Variants in PTPRO observed in about 807,000 individuals in gnomAD.
PTPRO encodes the protein receptor-type tyrosine-protein phosphatase O.
A neutral mutation model predicts 145.2 loss-of-function variants in PTPRO; 62 were observed. That is an observed-to-expected ratio of 0.43 (90% CI 0.35 to 0.53). The LOEUF (loss-of-function observed/expected upper bound fraction) is 0.53, where lower values mean the gene tolerates loss of function less well. Among genes scored for constraint, PTPRO ranks in the 20% least tolerant of loss-of-function variants. The pLI is 0.01. For synonymous variants in PTPRO, 565 were observed against 514.7 expected (o/e 1.10, Z -1.32); for missense variants, 1,345 against 1,482.7 (o/e 0.91, Z 1.53).
chr12:15,572,113 T>A (rs1440785568), intron 19 of PTPRO, among the ~76,000 whole-genome samples: 1 of 152,178 alleles, frequency 6.6e-6, no homozygotes, highest in Non-Finnish European at 1.5e-5. Context: ...AAATATGTTT[T>A]TTTCTTAACC....
At chr12:15,483,158 A>G (rs1476129621) in intron 1 of PTPRO, among the ~76,000 whole-genome samples, 1 of 152,126 alleles carries the variant, frequency 6.6e-6, no homozygotes, top group Non-Finnish European at 1.5e-5. Flanking sequence ...AAGATAAATT[A>G]AACCCAAGCA....
At chr12:15,565,700 C>T (rs2135595766) in intron 18 of PTPRO, 72 bp downstream of exon 18, 1 of 1,122,866 alleles carries the variant, frequency 8.9e-7, no homozygotes, top group Non-Finnish European at 1.3e-6. Context: ...TTAAAGATTG[C>T]TTGTCTTCAA....
intron 12 of PTPRO, 131 bp downstream of exon 12, chr12:15,526,393 A>G: frequency 1.6e-6 from 2 of 1,224,176 alleles, no homozygotes; most frequent in Non-Finnish European, 2.4e-6. Context: ...GAAAATAGAC[A>G]TTTGTACTAG....
intron 1 of PTPRO, among the ~76,000 whole-genome samples, chr12:15,394,383 A>G (rs190485363): frequency 3.3e-5 from 5 of 152,230 alleles, no homozygotes; most frequent in Admixed American, 3.3e-4. Flanking sequence ...GAGGGATCAC[A>G]TCCACCAAAC....
intron 1 of PTPRO, among the ~76,000 whole-genome samples, chr12:15,471,257 G>T (rs959082496): frequency 2.0e-5 from 3 of 152,074 alleles, no homozygotes; most frequent in African/African-American, 7.2e-5. Context: ...TCGCATGCCT[G>T]TGGTCCCAGA....
At position 15,516,991 on chromosome 12, in the gene PTPRO, A is replaced by G. The variant is rs368703313; in HGVS notation, c.1779+35A>G. The G allele has an allele frequency of 9.5e-5, 149 of 1,565,924 alleles. No individual in the cohort carries two copies. The African/African-American group carries it at 1.9e-3, about 20-fold the overall frequency. On this transcript the variant is annotated intron_variant, in intron 9 of 26. Transcript: ENST00000281171. The stretch of plus-strand genomic sequence containing the variant: ...CCTTAACCAACTGTCAGTCTTTCCT[A>G]TGGGAACAGGCAAACCTTTATGTAC...
intron 1 of PTPRO, among the ~76,000 whole-genome samples, chr12:15,345,003 CCTAT>C (rs537645929): frequency 1.6e-4 from 25 of 152,300 alleles, no homozygotes; most frequent in Admixed American, 4.6e-4. Flanking sequence ...CTCCTATCAT[CCTAT>C]CTTTCTACAA....
rs116256418 is a variant in PTPRO, at chr12:15,580,964, G to A, written c.3132+133G>A. The A allele has an allele frequency of 1.2e-3, 1,543 of 1,269,716 alleles. 16 individuals are homozygous for A. In the African/African-American group the frequency reaches 0.019, roughly 16 times the overall value. The allele number at this position is 1,269,716 out of a possible 1,614,324, so 78.7% of individuals were successfully genotyped here. ...TCGCTAAATTTAAAACATTGTATTC[G>A]GGAAGCAAGAATTAGAATTTGGGGG... On this transcript the variant is annotated intron_variant, in intron 22 of 26. Transcript: ENST00000281171.
intron 18 of PTPRO, among the ~76,000 whole-genome samples, chr12:15,566,541 G>C (rs1283869254): frequency 2.0e-5 from 3 of 151,696 alleles, no homozygotes; most frequent in East Asian, 1.9e-4. Flanking sequence ...ATTTTTTGGA[G>C]ATGAAGTCTC....
chr12:15,575,283 G>C, intron 19 of PTPRO, among the ~76,000 whole-genome samples: 1 of 152,118 alleles, frequency 6.6e-6, no homozygotes, highest in Non-Finnish European at 1.5e-5. Flanking sequence ...TGAATCTCAG[G>C]TTCCACACAG....
At chr12:15,494,443 C>G (rs1389839446) in intron 2 of PTPRO, among the ~76,000 whole-genome samples, 1 of 152,106 alleles carries the variant, frequency 6.6e-6, no homozygotes, top group Non-Finnish European at 1.5e-5. Context: ...CACTTAATTT[C>G]TAAAAAGAAA....
Position 15,580,750 on chromosome 12 carries a change from C to A in PTPRO, c.3051C>A (p.Thr1017=). Residue 1017 remains threonine (T), a synonymous_variant, in exon 22 of 27, where the codon ACC becomes ACA. Transcript: ENST00000281171. ...CCACCCAGGGGCCACTGCCTGAAACCAGAAATGACTTCTGGAAGATGGTCC... is the reference window on the plus strand; with the variant it reads ...CCACCCAGGGGCCACTGCCTGAAACAAGAAATGACTTCTGGAAGATGGTCC... The part of the protein sequence containing the change: ...YIATQGPLPE[T]RNDFWKMVLQ... 6.2e-7 allele frequency: 1 copy of A among 1,614,030 alleles called. No homozygotes were observed. Among genetic ancestry groups the A allele is most frequent in the South Asian group, 1.1e-5 (1 of 91,080 alleles).
intron 15 of PTPRO, 41 bp downstream of exon 15, chr12:15,551,712 A>C (rs1339222076): frequency 6.3e-7 from 1 of 1,598,758 alleles, no homozygotes; most frequent in Admixed American, 1.7e-5. Context: ...GAATCTTTAA[A>C]ATATCTTTAT....
intron 1 of PTPRO, among the ~76,000 whole-genome samples, chr12:15,476,075 G>A (rs559793992): frequency 6.6e-6 from 1 of 152,212 alleles, no homozygotes; most frequent in Admixed American, 6.5e-5. Flanking sequence ...GCTATGATAG[G>A]GGAAAAATGA....
At chr12:15,428,930 C>CT (rs1278509557) in intron 1 of PTPRO, among the ~76,000 whole-genome samples, 1 of 152,180 alleles carries the variant, frequency 6.6e-6, no homozygotes, top group African/African-American at 2.4e-5. Flanking sequence ...AAAAGTTTTA[C>CT]TTTCTTCCTG....
intron 1 of PTPRO, among the ~76,000 whole-genome samples, chr12:15,457,407 C>T (rs1421964212): frequency 1.3e-5 from 2 of 152,176 alleles, no homozygotes; most frequent in Admixed American, 6.5e-5. Flanking sequence ...TAATACAGCA[C>T]ATAACTGGAA....
Position 15,429,472 on chromosome 12 carries a change from T to C in PTPRO, c.76-54502T>C, listed in dbSNP as rs538179708. On this transcript the variant is annotated intron_variant, in intron 1 of 26. Coordinates refer to ENST00000281171, the MANE Select transcript of PTPRO (RefSeq NM_030667.3). ...TTCAAATCCACAGGATGAATGGGAA[T>C]ATGCAAAGGAGAGGCTAGAGTAGGA... is the stretch of plus-strand genomic sequence containing the variant. Among the ~76,000 whole-genome samples, 4 of 152,124 alleles carry C rather than the reference T, an allele frequency of 2.6e-5. No individual in the cohort carries two copies. The East Asian group carries it at 7.7e-4, about 29-fold the overall frequency.
chr12:15,429,240 T>C (rs531661247), intron 1 of PTPRO, among the ~76,000 whole-genome samples: 1 of 152,302 alleles, frequency 6.6e-6, no homozygotes, highest in South Asian at 2.1e-4. Flanking sequence ...ACAACACACT[T>C]GGTCTCTGTG....
chr12:15,546,332 C>T, intron 12 of PTPRO: 2 of 1,349,082 alleles, frequency 1.5e-6, no homozygotes, highest in Non-Finnish European at 1.9e-6. Flanking sequence ...AAGTAGAAAA[C>T]AGAAGTGTTC....
Sources: allele counts gnomAD v4.1 joint callset (sites outside exome capture counted in the v4.1 genomes callset), GRCh38; gene constraint gnomAD v4.1.1; transcripts MANE v1.5; gene names NCBI Gene and HGNC (gene_info 2026-07-23, HGNC 2026-07-21).